CAPN2: variants seen among roughly 807,000 people sequenced by gnomAD.
CAPN2 encodes calpain 2.
CAPN2 carries 92 observed loss-of-function variants against 102.3 expected under a neutral mutation model. The ratio of observed to expected loss-of-function variants is 0.90; its 90% CI spans 0.76 to 1.07. The LOEUF (loss-of-function observed/expected upper bound fraction) is 1.07, where lower values mean the gene tolerates loss of function less well. Among genes scored for constraint, CAPN2 ranks in the 50% least tolerant of loss-of-function variants. CAPN2 has a pLI of 0.00. For missense variants in CAPN2, 800 were observed against 909.4 expected (o/e 0.88, Z 1.55); for synonymous variants, 340 against 355.4 (o/e 0.96, Z 0.49).
intron 20 of CAPN2, among the ~76,000 whole-genome samples, chr1:223,773,937 G>C (rs1442616523): frequency 6.6e-6 from 1 of 152,102 alleles, no homozygotes; most frequent in South Asian, 2.1e-4. Flanking sequence ...AGGAGGCTAA[G>C]GTGGGAGGAA....
chr1:223,707,750 G>C (rs1424560871), upstream of CAPN2, among the ~76,000 whole-genome samples: 1 of 152,190 alleles, frequency 6.6e-6, no homozygotes, highest in Non-Finnish European at 1.5e-5. Flanking sequence ...GGAACTTCAG[G>C]TGAGCCAGGA....
intron 2 of CAPN2, among the ~76,000 whole-genome samples, chr1:223,720,526 A>G (rs1660025195): frequency 6.6e-6 from 1 of 152,004 alleles, no homozygotes; most frequent in Non-Finnish European, 1.5e-5. Context: ...CATGTTGCGC[A>G]GGCTGGTCTT....
At chr1:223,712,172 G>A (rs1261510204), upstream of CAPN2, among the ~76,000 whole-genome samples, 1 of 152,198 alleles carries the variant, frequency 6.6e-6, no homozygotes, top group African/African-American at 2.4e-5. Flanking sequence ...ACAAAGTTCA[G>A]GGCAGCTGGT....
At chr1:223,765,594 C>T (rs1050035650) in intron 15 of CAPN2, among the ~76,000 whole-genome samples, 5 of 152,208 alleles carry the variant, frequency 3.3e-5, no homozygotes, top group African/African-American at 9.6e-5. Flanking sequence ...GCATTCGCTC[C>T]GCGCGTGCCT....
At position 223,775,399 on chromosome 1, in the gene CAPN2, G is replaced by C. The variant is rs1331634586; in HGVS notation, c.*542G>C. On this transcript the variant is annotated 3_prime_UTR_variant, in exon 21 of 21. Transcript: ENST00000295006. ...GTCAAGGCATCTGGAGAGTCCAGGA[G>C]AGAAGACTCACCTCTGTCGCTTGGG... The C allele has an allele frequency of 1.3e-5, 2 of 153,788 alleles. No individual in the cohort carries two copies. The highest frequency in any genetic ancestry group is 2.9e-5 in the Non-Finnish European group (2 of 69,026). The allele number at this position is 153,788 out of a possible 1,614,324, so 9.5% of individuals were successfully genotyped here. A position where few individuals can be genotyped will look rare whatever the true frequency, so the allele number is the denominator to read the frequency against.
intron 2 of CAPN2, among the ~76,000 whole-genome samples, chr1:223,742,988 T>C (rs1558068776): frequency 6.6e-6 from 1 of 152,184 alleles, no homozygotes; most frequent in Admixed American, 6.5e-5. Flanking sequence ...CCCTCCCCTT[T>C]GTTTGTGTTT....
At chr1:223,763,550 A>T (rs1355227790) in intron 14 of CAPN2, among the ~76,000 whole-genome samples, 1 of 152,238 alleles carries the variant, frequency 6.6e-6, no homozygotes, top group African/African-American at 2.4e-5. Flanking sequence ...CCCTGGCATG[A>T]TGGGCATAGA....
In CAPN2 at chr1:223,754,810, G is replaced by A. The variant is rs1457491540; in HGVS notation, c.1136-670G>A. ...GATGTTCTTGGCCTCCGGGCTCACC[G>A]AGGGGGCGGCGACCGGCAAGTGCAG... On this transcript the variant is annotated intron_variant, in intron 9 of 20. Transcript: ENST00000295006. This position sits in a 1 kb window ranked among gnomAD's most constrained non-coding sequence, Gnocchi z 4.7. Among the ~76,000 whole-genome samples, 4 of 152,160 alleles carry A rather than the reference G, an allele frequency of 2.6e-5. No homozygotes were observed. The highest frequency in any genetic ancestry group is 4.8e-5 in the African/African-American group (2 of 41,434).
chr1:223,704,797 A>G (rs1263535143), intron 1 of CAPN2, among the ~76,000 whole-genome samples: 1 of 152,242 alleles, frequency 6.6e-6, no homozygotes, highest in African/African-American at 2.4e-5. Flanking sequence ...CAGGAGAAAT[A>G]CAACACTGAA....
chr1:223,703,475 T>A (rs1483449989), intron 1 of CAPN2, among the ~76,000 whole-genome samples: 1 of 152,182 alleles, frequency 6.6e-6, no homozygotes, highest in Non-Finnish European at 1.5e-5. Context: ...CTCCAGCCAA[T>A]GACAACACAG....
intron 1 of CAPN2, among the ~76,000 whole-genome samples, chr1:223,716,996 A>G (rs1048355920): frequency 5.9e-5 from 9 of 152,148 alleles, no homozygotes; most frequent in African/African-American, 2.2e-4. Flanking sequence ...TGGACACGTC[A>G]CTTCACCTTT....
intron 1 of CAPN2, among the ~76,000 whole-genome samples, chr1:223,703,281 G>T (rs1038899012): frequency 6.6e-6 from 1 of 151,988 alleles, no homozygotes; most frequent in Non-Finnish European, 1.5e-5. Flanking sequence ...CTATTCTGAG[G>T]ATTAAATGAG....
chr1:223,749,224 T>A, intron 6 of CAPN2, 102 bp downstream of exon 6: 1 of 1,000,780 alleles, frequency 1.0e-6, no homozygotes, highest in Non-Finnish European at 1.5e-6. Context: ...CCCACGGTGG[T>A]CCAGTTTACA....
upstream of CAPN2, among the ~76,000 whole-genome samples, chr1:223,711,542 G>A (rs1430931147): frequency 6.6e-6 from 1 of 152,206 alleles, no homozygotes; most frequent in Non-Finnish European, 1.5e-5. Flanking sequence ...TACTTTAAAA[G>A]TATCTGTTGT....
upstream of CAPN2, among the ~76,000 whole-genome samples, chr1:223,708,978 C>T (rs552515855): frequency 4.6e-5 from 7 of 152,174 alleles, no homozygotes; most frequent in African/African-American, 1.7e-4. Flanking sequence ...GAAAAAGATT[C>T]TTCTTTTCTA....
rs1182811891 is a variant in CAPN2, at chr1:223,753,094, T to G, written c.1135+138T>G. 20 of 755,120 alleles carry G rather than the reference T, an allele frequency of 2.6e-5. No individual in the cohort carries two copies. The Admixed American group carries it at 3.4e-4, about 13-fold the overall frequency. 46.8% of individuals were successfully genotyped at this position (755,120 alleles called of 1,614,324 possible). ...CCTGCTCACTGGAACCCTCTCTGTC[T>G]TCTTTCTCCCTGAGCCTTTTCTTTT... On this transcript the variant is annotated intron_variant, in intron 9 of 20. Transcript: ENST00000295006.
intron 16 of CAPN2, among the ~76,000 whole-genome samples, chr1:223,769,185 T>A (rs918603508): frequency 6.6e-6 from 1 of 152,160 alleles, no homozygotes; most frequent in African/African-American, 2.4e-5. Context: ...AGTGGCATGA[T>A]CTCAGCTCAC....
chr1:223,766,492 A>G, intron 16 of CAPN2, 61 bp downstream of exon 16: 1 of 1,267,426 alleles, frequency 7.9e-7, no homozygotes, highest in East Asian at 2.3e-5. Flanking sequence ...CACTCCAGAA[A>G]GATTCAAACA....
intron 8 of CAPN2, 44 bp from the exon 9 acceptor site, chr1:223,752,752 T>C (rs758032639): frequency 1.1e-5 from 18 of 1,603,670 alleles, no homozygotes; most frequent in Admixed American, 5.0e-5. Flanking sequence ...GGCTTACCAG[T>C]GTGTCTTCTT....
Sources: gnomAD v4.1 joint callset for allele counts (sites outside exome capture counted in the v4.1 genomes callset) on GRCh38, gnomAD v4.1.1 for gene constraint, Gnocchi (gnomAD v3.1) non-coding constraint, MANE v1.5 for transcripts, NCBI Gene and HGNC (gene_info 2026-07-23, HGNC 2026-07-21) for gene names.